The following NKAIN2 variants were observed in gnomAD, a reference collection of about 807,000 sequenced individuals.
NKAIN2 encodes the protein sodium/potassium-transporting ATPase subunit beta-1-interacting protein 2.
NKAIN2 carries 14 observed loss-of-function variants against 32.6 expected under a neutral mutation model. The ratio of observed to expected loss-of-function variants is 0.43; its 90% CI spans 0.28 to 0.67. The LOEUF is 0.67. Ranked by LOEUF, NKAIN2 falls within the 30% of genes least tolerant of loss-of-function variation. The pLI is 0.17. For missense variants in NKAIN2, 198 were observed against 258.3 expected (o/e 0.77, Z 1.60); for synonymous variants, 80 against 87.2 (o/e 0.92, Z 0.46).
At chr6:124,441,712 G>A (rs749509499) in intron 3 of NKAIN2, among the ~76,000 whole-genome samples, 6 of 152,064 alleles carry the variant, frequency 3.9e-5, no homozygotes, top group Non-Finnish European at 8.8e-5. Context: ...GAGAAGTGTT[G>A]CTGATTTATG....
chr6:123,900,516 T>C (rs1774514639), intron 1 of NKAIN2, among the ~76,000 whole-genome samples: 1 of 143,554 alleles, frequency 7.0e-6, no homozygotes, highest in African/African-American at 2.6e-5. Flanking sequence ...GGGCAAGGTT[T>C]TCTGTCTCCA....
intron 2 of NKAIN2, among the ~76,000 whole-genome samples, chr6:124,304,916 A>C (rs1184721833): frequency 6.6e-6 from 1 of 152,166 alleles, no homozygotes; most frequent in Non-Finnish European, 1.5e-5. Flanking sequence ...TGCCTCCAAA[A>C]AAAAAAGTCT....
chr6:124,025,441 G>A (rs1781063061), intron 1 of NKAIN2, among the ~76,000 whole-genome samples: 1 of 142,884 alleles, frequency 7.0e-6, no homozygotes, highest in Non-Finnish European at 1.5e-5. Flanking sequence ...GCCTAGATGA[G>A]AAGCAATGAA....
chr6:124,523,881 T>G (rs1023493352), intron 3 of NKAIN2, among the ~76,000 whole-genome samples: 9 of 152,188 alleles, frequency 5.9e-5, no homozygotes, highest in African/African-American at 1.2e-4. Context: ...AATATACCTA[T>G]AGTATTGTAT....
At chr6:124,045,576 T>A (rs1782081299) in intron 1 of NKAIN2, among the ~76,000 whole-genome samples, 1 of 152,016 alleles carries the variant, frequency 6.6e-6, no homozygotes, top group African/African-American at 2.4e-5. Context: ...AGTGAAATCC[T>A]CAAAATTAAG....
At chr6:124,528,143 T>C (rs1220586292) in intron 3 of NKAIN2, among the ~76,000 whole-genome samples, 3 of 152,172 alleles carry the variant, frequency 2.0e-5, no homozygotes, top group Non-Finnish European at 4.4e-5. Context: ...GGGATCCATT[T>C]AAGAGGCTAT....
chr6:124,168,767 T>C (rs188931969), intron 1 of NKAIN2, among the ~76,000 whole-genome samples: 1 of 152,234 alleles, frequency 6.6e-6, no homozygotes, highest in East Asian at 1.9e-4. Context: ...TTGTAAATTT[T>C]ATTAAGTATA....
chr6:124,213,531 GA>G, intron 1 of NKAIN2, among the ~76,000 whole-genome samples: 1 of 152,116 alleles, frequency 6.6e-6, no homozygotes, highest in East Asian at 1.9e-4. Flanking sequence ...GATAAACATA[GA>G]CCAAGGGAAG....
chr6:124,816,062 A>G (rs752050404), intron 5 of NKAIN2, among the ~76,000 whole-genome samples: 11 of 152,172 alleles, frequency 7.2e-5, no homozygotes, highest in Non-Finnish European at 1.6e-4. Context: ...CCACTTTGGA[A>G]GAGAAGAGAC....
chr6:124,781,075 G>T (rs949622023), intron 4 of NKAIN2, among the ~76,000 whole-genome samples: 11 of 151,960 alleles, frequency 7.2e-5, no homozygotes, highest in African/African-American at 2.7e-4. Context: ...AAAACTAGGT[G>T]AACTTAATTT....
At chr6:124,016,860 A>G (rs1272599106) in intron 1 of NKAIN2, among the ~76,000 whole-genome samples, 3 of 152,144 alleles carry the variant, frequency 2.0e-5, no homozygotes, top group Non-Finnish European at 2.9e-5. Context: ...TGGAGCTAGC[A>G]TTTGAATCCA....
intron 1 of NKAIN2, among the ~76,000 whole-genome samples, chr6:124,017,427 G>T (rs2114750768): frequency 6.6e-6 from 1 of 152,162 alleles, no homozygotes; most frequent in African/African-American, 2.4e-5. Flanking sequence ...GTCCCTCAAA[G>T]TTTTAACTCA....
intron 4 of NKAIN2, among the ~76,000 whole-genome samples, chr6:124,726,466 AG>A (rs1372542873): frequency 1.1e-4 from 16 of 151,998 alleles, no homozygotes; most frequent in African/African-American, 3.6e-4. Flanking sequence ...CTCACACGGC[AG>A]GGTATTCCAA....
In NKAIN2 at chr6:124,658,248, A is replaced by G. The variant is rs1784611792; in HGVS notation, c.336A>G (p.Gly112=). ...ACCGATCTTGGTGGATGGAGAATGG[A>G]CCAGGATGTACGGTGACGTCAGTGA... ...SMHRSWWMEN[G]PGCTVTSVTP... The change falls in exon 4 of 7, where the codon GGA becomes GGG. Residue 112 remains glycine, a synonymous_variant. Transcript: ENST00000368417. 6.2e-7 allele frequency: 1 copy of G among 1,614,040 alleles called. No individual in the cohort carries two copies. The highest frequency in any genetic ancestry group is 1.3e-5 in the African/African-American group (1 of 75,030).
chr6:124,374,815 G>A (rs934856780), intron 3 of NKAIN2, among the ~76,000 whole-genome samples: 4 of 152,020 alleles, frequency 2.6e-5, no homozygotes, highest in African/African-American at 7.2e-5. Context: ...TCCCTAGGTG[G>A]TTTATTTTAC....
chr6:123,916,754 C>T (rs570080656), intron 1 of NKAIN2, among the ~76,000 whole-genome samples: 2 of 151,210 alleles, frequency 1.3e-5, no homozygotes, highest in African/African-American at 2.4e-5. Context: ...GTGTGTGTAT[C>T]TCTATGTATC....
intron 1 of NKAIN2, among the ~76,000 whole-genome samples, chr6:123,873,182 A>G (rs1048539740): frequency 1.5e-4 from 22 of 149,524 alleles, no homozygotes; most frequent in African/African-American, 5.2e-4. Flanking sequence ...TTCAAGGAGG[A>G]CCCCCACCCC....
chr6:124,137,475 C>T (rs935499313), intron 1 of NKAIN2, among the ~76,000 whole-genome samples: 2 of 151,950 alleles, frequency 1.3e-5, no homozygotes, highest in Non-Finnish European at 2.9e-5. Flanking sequence ...TATCAAAATA[C>T]CATCATTATT....
intron 3 of NKAIN2, among the ~76,000 whole-genome samples, chr6:124,648,938 T>C (rs537004701): frequency 1.3e-5 from 2 of 152,302 alleles, no homozygotes; most frequent in Non-Finnish European, 2.9e-5. Flanking sequence ...TATTTTGAAC[T>C]AAATGGAAAT....
Sources: allele counts gnomAD v4.1 joint callset (sites outside exome capture counted in the v4.1 genomes callset), GRCh38; gene constraint gnomAD v4.1.1; transcripts MANE v1.5; gene names NCBI Gene and HGNC (gene_info 2026-07-23, HGNC 2026-07-21).